SGCE: variants seen among roughly 807,000 people sequenced by gnomAD.
The protein encoded by SGCE is sarcoglycan epsilon.
Under a neutral mutation model 57.8 loss-of-function variants are expected in SGCE, and 26 were observed. The observed-to-expected ratio is 0.45, with a 90% CI of 0.33 to 0.62. SGCE has a LOEUF of 0.62. Ranked by LOEUF, SGCE falls within the 20% of genes least tolerant of loss-of-function variation. The pLI is 0.02. For missense variants in SGCE, 468 were observed against 548.6 expected (o/e 0.85, Z 1.47); for synonymous variants, 183 against 189.5 (o/e 0.97, Z 0.28).
chr7:94,586,749 G>T, intron 10 of SGCE: 2 of 714,256 alleles, frequency 2.8e-6, no homozygotes, highest in African/African-American at 2.0e-5. Flanking sequence ...TGATCCGCCT[G>T]CCTTGGCCTC....
intron 10 of SGCE, among the ~76,000 whole-genome samples, chr7:94,586,061 GAAAAAAAAAAAA>G (rs780812386): frequency 1.7e-4 from 5 of 28,908 alleles, no homozygotes; most frequent in Admixed American, 1.0e-3. Context: ...GGAACTAAAT[GAAAAAAAAAAAA>G]AAAAAAAAAA....
rs761551499 is a variant in SGCE at position 94,618,870 on chromosome 7, G to A, written c.550C>T (p.Leu184Phe). ...TGCCACACATTTTTCACTGCGCCAA[G>A]AAAGTCTCCAAGAACCTCACTGGCC... Reference protein sequence around the residue: ...MLASEVLGDFLGAVKNVWQPE... With the variant: ...MLASEVLGDFFGAVKNVWQPE... The change falls in exon 5 of 11, where the codon CTT becomes TTT. Residue 184 changes from leucine (L) to phenylalanine (F), a missense_variant. Coordinates refer to ENST00000648936, the MANE Select transcript of SGCE (RefSeq NM_003919.3). 1 of 1,614,028 alleles carries A rather than the reference G, an allele frequency of 6.2e-7. No homozygotes were observed. The highest frequency in any genetic ancestry group is 8.5e-7 in the Non-Finnish European group (1 of 1,179,930).
At chr7:94,588,620 A>C (rs1178759369) in intron 10 of SGCE, 69 bp downstream of exon 10, 1 of 1,550,306 alleles carries the variant, frequency 6.5e-7, no homozygotes, top group East Asian at 2.4e-5. Context: ...TAAATTATAT[A>C]GTGCCATAAT....
chr7:94,650,143 G>A (rs1246011847), intron 1 of SGCE, among the ~76,000 whole-genome samples: 1 of 152,170 alleles, frequency 6.6e-6, no homozygotes, highest in Non-Finnish European at 1.5e-5. Context: ...AGGCTAACCT[G>A]AAACAGACAG....
chr7:94,630,972 G>A (rs571057164), intron 1 of SGCE, among the ~76,000 whole-genome samples: 28 of 152,000 alleles, frequency 1.8e-4, no homozygotes, highest in African/African-American at 6.3e-4. Flanking sequence ...CCTGCAGTTC[G>A]GTGGATGGCT....
chr7:94,598,382 C>T (rs1428960051), intron 9 of SGCE: 1 of 218,768 alleles, frequency 4.6e-6, no homozygotes, highest in Non-Finnish European at 9.2e-6. Flanking sequence ...TTACAAAGGT[C>T]TATGGTAATA....
intron 1 of SGCE, among the ~76,000 whole-genome samples, chr7:94,654,657 T>G (rs144514280): frequency 6.6e-6 from 1 of 152,358 alleles, no homozygotes; most frequent in East Asian, 1.9e-4. Flanking sequence ...AAAATCTCAG[T>G]AAATGGGCTA....
chr7:94,602,043 A>T (rs944340832), intron 6 of SGCE, among the ~76,000 whole-genome samples: 1 of 152,134 alleles, frequency 6.6e-6, no homozygotes, highest in Non-Finnish European at 1.5e-5. Context: ...CAAGGAGTAT[A>T]TCATTTTTTA....
chr7:94,599,693 T>TTA lies in SGCE; in HGVS notation c.1064+2_1064+3dup. The TTA allele has an allele frequency of 6.2e-7, 1 of 1,609,476 alleles. No individual in the cohort carries two copies. Among genetic ancestry groups the TTA allele is most frequent in the Non-Finnish European group, 8.5e-7 (1 of 1,176,036 alleles). On this transcript the variant is annotated splice_donor_region_variant and intron_variant, in intron 8 of 10. Coordinates refer to ENST00000648936, the MANE Select transcript of SGCE (RefSeq NM_003919.3). Reference sequence around the variant, plus strand: ...AAGAAAATAACAGGAAAGAAGACACTTACTCTGGTGTTTGCATGTTTCTCT... The same window carrying TTA: ...AAGAAAATAACAGGAAAGAAGACACTTATACTCTGGTGTTTGCATGTTTCTCT...
intron 1 of SGCE, among the ~76,000 whole-genome samples, chr7:94,646,886 T>C (rs1375308547): frequency 6.6e-6 from 1 of 152,206 alleles, no homozygotes; most frequent in Non-Finnish European, 1.5e-5. Context: ...TACTTTCCAA[T>C]AGTATAACCA....
intron 1 of SGCE, among the ~76,000 whole-genome samples, chr7:94,641,273 T>C (rs1310478792): frequency 6.6e-6 from 1 of 152,158 alleles, no homozygotes; most frequent in African/African-American, 2.4e-5. Context: ...GGAGTTCTGA[T>C]AAAGTGGTGA....
At chr7:94,639,786 A>G (rs918451105) in intron 1 of SGCE, among the ~76,000 whole-genome samples, 1 of 152,230 alleles carries the variant, frequency 6.6e-6, no homozygotes, top group African/African-American at 2.4e-5. Context: ...CATACGTGCT[A>G]TAAGAACACT....
At chr7:94,594,227 T>C (rs1798083344) in intron 9 of SGCE, among the ~76,000 whole-genome samples, 1 of 152,140 alleles carries the variant, frequency 6.6e-6, no homozygotes, top group African/African-American at 2.4e-5. Context: ...ACAATGATTC[T>C]TTGGGCAAAG....
intron 5 of SGCE, among the ~76,000 whole-genome samples, chr7:94,607,068 A>G (rs1228467115): frequency 6.6e-6 from 1 of 152,162 alleles, no homozygotes; most frequent in Admixed American, 6.5e-5. Flanking sequence ...GAAAAAGAAG[A>G]ACAAATGAAA....
At chr7:94,639,303 C>A in intron 1 of SGCE, 1 of 1,232,402 alleles carries the variant, frequency 8.1e-7, no homozygotes, top group Admixed American at 2.1e-5. Flanking sequence ...ATTTAATTGG[C>A]TCCCCCAAAG....
intron 1 of SGCE, among the ~76,000 whole-genome samples, chr7:94,632,095 A>C (rs929001885): frequency 2.6e-5 from 4 of 152,072 alleles, no homozygotes; most frequent in African/African-American, 9.7e-5. Flanking sequence ...TAATACTTAG[A>C]GGGATAGCAT....
chr7:94,633,701 A>G (rs1805091136), intron 1 of SGCE, among the ~76,000 whole-genome samples: 1 of 152,188 alleles, frequency 6.6e-6, no homozygotes, highest in African/African-American at 2.4e-5. Flanking sequence ...CTCTCTCTCC[A>G]TAATGAAAAT....
At chr7:94,609,415 TACTTG>T (rs1800663147) in intron 5 of SGCE, among the ~76,000 whole-genome samples, 1 of 152,140 alleles carries the variant, frequency 6.6e-6, no homozygotes, top group Non-Finnish European at 1.5e-5. Context: ...TAGTCCCAGC[TACTTG>T]ACTTGGGAGG....
At chr7:94,601,442 T>TAAA (rs1319969161) in intron 6 of SGCE, among the ~76,000 whole-genome samples, 2 of 34,430 alleles carry the variant, frequency 5.8e-5, no homozygotes, top group African/African-American at 6.2e-4. Context: ...TATCCCAGTA[T>TAAA]CAAAAAAAAA....
Sources: gnomAD v4.1 joint callset for allele counts (sites outside exome capture counted in the v4.1 genomes callset) on GRCh38, gnomAD v4.1.1 for gene constraint, MANE v1.5 for transcripts, NCBI Gene and HGNC (gene_info 2026-07-23, HGNC 2026-07-21) for gene names.